The following FGFR3 variants were observed in gnomAD, a reference collection of about 807,000 sequenced individuals.
The protein encoded by FGFR3 is fibroblast growth factor receptor 3.
Under a neutral mutation model 82.9 loss-of-function variants are expected in FGFR3, and 25 were observed. The ratio of observed to expected loss-of-function variants is 0.30; its 90% CI spans 0.22 to 0.42. FGFR3 has a LOEUF of 0.42. Ranked by LOEUF, FGFR3 falls within the 10% of genes least tolerant of loss-of-function variation. The pLI is 1.00. For synonymous variants in FGFR3, 620 were observed against 516.0 expected (o/e 1.20, Z -2.73); for missense variants, 1,026 against 1,161.0 (o/e 0.88, Z 1.69).
chr4:1,795,906 C>T (rs534316236), intron 2 of FGFR3, among the ~76,000 whole-genome samples: 26 of 152,316 alleles, frequency 1.7e-4, no homozygotes, highest in African/African-American at 6.3e-4. Flanking sequence ...GTTCATTAAC[C>T]TGGGCTGAGC....
chr4:1,802,194 G>A (rs992309936), intron 7 of FGFR3, among the ~76,000 whole-genome samples, 169 bp downstream of exon 7: 5 of 152,196 alleles, frequency 3.3e-5, no homozygotes, highest in Admixed American at 6.5e-5. Context: ...CACACCTCAG[G>A]GCCATAGGCA....
chr4:1,793,999 C>T lies in FGFR3; in HGVS notation c.65C>T (p.Ser22Leu). ...GTGGCCATCGTGGCCGGCGCCTCCT[C>T]GGAGTCCTTGGGGACGGAGCAGCGC... ...VAVAIVAGAS[S>L]ESLGTEQRVV... Residue 22 changes from serine to leucine, a missense_variant, in exon 2 of 18, where the codon TCG (serine) becomes TTG (leucine). By Grantham distance (145) the Ser-to-Leu change is moderately radical. Coordinates refer to ENST00000440486, the MANE Select transcript of FGFR3 (RefSeq NM_000142.5). The T allele has an allele frequency of 7.2e-7, 1 of 1,397,474 alleles. No individual in the cohort carries two copies. Among genetic ancestry groups the T allele is most frequent in the Non-Finnish European group, 9.4e-7 (1 of 1,063,796 alleles). 86.6% of individuals were successfully genotyped at this position (1,397,474 alleles called of 1,614,324 possible). A position where few individuals can be genotyped will look rare whatever the true frequency, so the allele number is the denominator to read the frequency against.
chr4:1,794,377 A>T (rs772440975), intron 2 of FGFR3, among the ~76,000 whole-genome samples: 90 of 152,178 alleles, frequency 5.9e-4, no homozygotes, highest in Admixed American at 1.1e-3. Context: ...CGCTGTTGTT[A>T]TTCGGGTTCT....
At chr4:1,803,519 G>A (rs1018679854) in intron 7 of FGFR3, among the ~76,000 whole-genome samples, 173 bp from the exon 8 acceptor site, 1 of 152,268 alleles carries the variant, frequency 6.6e-6, no homozygotes, top group African/African-American at 2.4e-5. Context: ...GCTCAGTACC[G>A]GTGTACCAGG....
At position 1,799,412 on chromosome 4, in the gene FGFR3, G is replaced by C; in HGVS notation, c.268G>C (p.Gly90Arg). 1 of 1,611,886 alleles carries C rather than the reference G, an allele frequency of 6.2e-7. No individual in the cohort carries two copies. The highest frequency in any genetic ancestry group is 2.2e-5 in the East Asian group (1 of 44,864). ...GGTGCCCTCGGAGCGTGTCCTGGTG[G>C]GGCCCCAGCGGCTGCAGGTGCTGAA... is the stretch of plus-strand genomic sequence containing the variant. ...GLVPSERVLV[G>R]PQRLQVLNAS... Residue 90 changes from glycine (G) to arginine (R), a missense_variant, in exon 3 of 18, where the codon GGG becomes CGG. By Grantham distance (125) the Gly-to-Arg change is moderately radical. This residue lies in a region of FGFR3 where 226 missense variants were observed against 222.0 expected (regional missense o/e 1.02). Transcript: ENST00000440486.
intron 2 of FGFR3, among the ~76,000 whole-genome samples, chr4:1,797,138 T>C (rs1261892659): frequency 6.6e-6 from 1 of 152,168 alleles, no homozygotes; most frequent in African/African-American, 2.4e-5. Context: ...GTGGTGTCAG[T>C]GGGGCCTCCC....
At chr4:1,804,725 G>A in intron 9 of FGFR3, 99 bp from the exon 10 acceptor site, 1 of 1,483,838 alleles carries the variant, frequency 6.7e-7, no homozygotes, top group Non-Finnish European at 9.1e-7. Context: ...GCTGGTGGAA[G>A]TCAGAACGCC....
At chr4:1,796,881 C>T (rs1169665173) in intron 2 of FGFR3, among the ~76,000 whole-genome samples, 1 of 152,156 alleles carries the variant, frequency 6.6e-6, no homozygotes, top group Non-Finnish European at 1.5e-5. Flanking sequence ...TACTTTGTGC[C>T]ACAGTGGGGG....
chr4:1,800,302 C>T (rs1160336304), intron 4 of FGFR3, among the ~76,000 whole-genome samples: 1 of 151,694 alleles, frequency 6.6e-6, no homozygotes, highest in Non-Finnish European at 1.5e-5. Flanking sequence ...CAGTCGGGGA[C>T]GATGCCTGGC....
In FGFR3 at chr4:1,808,313, TGG is replaced by T; in HGVS notation, c.*1052_*1053del. 1 of 232,954 alleles carries T rather than the reference TGG, an allele frequency of 4.3e-6. No homozygotes were observed. The highest frequency in any genetic ancestry group is 1.8e-4 in the South Asian group (1 of 5,522). 14.4% of individuals were successfully genotyped at this position (232,954 alleles called of 1,614,324 possible). ...CCAAGCCTAAAAGGTTGTTAATAGT[TGG>T]AGGTGATTCCAGTGAAGATATTTTA... On this transcript the variant is annotated 3_prime_UTR_variant, in exon 18 of 18. Coordinates refer to ENST00000440486, the MANE Select transcript of FGFR3 (RefSeq NM_000142.5).
At chr4:1,802,684 AGTGACCAGAGGTT>A (rs1273819780) in intron 7 of FGFR3, among the ~76,000 whole-genome samples, 3 of 152,118 alleles carry the variant, frequency 2.0e-5, no homozygotes, top group Non-Finnish European at 2.9e-5. Flanking sequence ...AGGGCAGGCC[AGTGACCAGAGGTT>A]GTCTGAGGGT....
chr4:1,795,309 C>A (rs779579240), intron 2 of FGFR3, among the ~76,000 whole-genome samples: 4 of 152,046 alleles, frequency 2.6e-5, no homozygotes. Flanking sequence ...TTACTCCCTA[C>A]GGCCCGGGAA....
rs758169923 is a variant in FGFR3, at chr4:1,807,631, C to T, written c.*369C>T. 2 of 648,300 alleles carry T rather than the reference C, an allele frequency of 3.1e-6. No individual in the cohort carries two copies. The highest frequency in any genetic ancestry group is 2.7e-5 in the South Asian group (2 of 72,732). 40.2% of individuals were successfully genotyped at this position (648,300 alleles called of 1,614,324 possible). ...GGCCCGACATGGCTCCGGCCTCTGC[C>T]TTTGCACCACGGGACATCACAGGGT... On this transcript the variant is annotated 3_prime_UTR_variant, in exon 18 of 18. Coordinates refer to ENST00000440486, the MANE Select transcript of FGFR3 (RefSeq NM_000142.5).
chr4:1,794,100 G>A, intron 2 of FGFR3, 57 bp downstream of exon 2: 1 of 1,116,376 alleles, frequency 9.0e-7, no homozygotes, highest in Non-Finnish European at 1.2e-6. Context: ...AGAGGCGTTG[G>A]GGACGGGAAC....
At chr4:1,798,503 G>A (rs1190556077) in intron 2 of FGFR3, among the ~76,000 whole-genome samples, 1 of 151,816 alleles carries the variant, frequency 6.6e-6, no homozygotes, top group Non-Finnish European at 1.5e-5. Flanking sequence ...GGAGCTGCAG[G>A]ATACAGAACC....
Position 1,805,573 on chromosome 4 carries a change from A to C in FGFR3, c.1549A>C (p.Lys517Gln), listed in dbSNP as rs560351992. The C allele has an allele frequency of 9.9e-6, 16 of 1,613,206 alleles. No individual in the cohort carries two copies. The highest frequency in any genetic ancestry group is 1.7e-5 in the Admixed American group (1 of 60,026). Residue 517 changes from lysine to glutamine, a missense_variant, in exon 12 of 18, where the codon AAG becomes CAG. Physicochemically the swap from Lys to Gln is moderately conservative, Grantham distance 53 (BLOSUM62 1). Around this residue, in one of 9 missense-constraint regions of FGFR3, gnomAD observed 164 missense variants for 167.5 expected, o/e 0.98. Transcript: ENST00000440486. ...TCCGTGCACAGACGATGCCACTGAC[A>C]AGGACCTGTCGGACCTGGTGTCTGA... Reference protein sequence around the residue: ...VKMLKDDATDKDLSDLVSEME... With the variant: ...VKMLKDDATDQDLSDLVSEME...
intron 9 of FGFR3, 89 bp downstream of exon 9, chr4:1,804,609 T>A: frequency 1.3e-6 from 2 of 1,551,536 alleles, no homozygotes; most frequent in South Asian, 2.2e-5. Context: ...CTGGGCTGTG[T>A]GAGCCCTCTC....
rs1158691826 is a variant in FGFR3, at chr4:1,807,902, C to CATAT, written c.*650_*653dup. 4 of 340,614 alleles carry CATAT rather than the reference C, an allele frequency of 1.2e-5. No individual in the cohort carries two copies. The highest frequency in any genetic ancestry group is 7.5e-5 in the South Asian group (2 of 26,722). 21.1% of individuals were successfully genotyped at this position (340,614 alleles called of 1,614,324 possible). ...AGATGCTGTGTATATGGTATATATACATATATATATATAACATATATGGAA... is the reference window on the plus strand; with the variant it reads ...AGATGCTGTGTATATGGTATATATACATATATATATATATATAACATATATGGAA... On this transcript the variant is annotated 3_prime_UTR_variant, in exon 18 of 18. Coordinates refer to ENST00000440486, the MANE Select transcript of FGFR3 (RefSeq NM_000142.5).
chr4:1,802,552 CAG>C (rs1410276894), intron 7 of FGFR3, among the ~76,000 whole-genome samples: 1 of 152,214 alleles, frequency 6.6e-6, no homozygotes, highest in Non-Finnish European at 1.5e-5. Flanking sequence ...AACATCTGTT[CAG>C]AGAGAAGACG....
Sources: gnomAD v4.1 joint callset for allele counts (sites outside exome capture counted in the v4.1 genomes callset) on GRCh38, gnomAD v4.1.1 for gene constraint, gnomAD v4.1.1 regional missense constraint, MANE v1.5 for transcripts, NCBI Gene and HGNC (gene_info 2026-07-23, HGNC 2026-07-21) for gene names.